The following TSPAN15 variants were observed in gnomAD, a reference collection of about 807,000 sequenced individuals.
TSPAN15 encodes tetraspanin 15.
A neutral mutation model predicts 34.5 loss-of-function variants in TSPAN15; 20 were observed. The ratio of observed to expected loss-of-function variants is 0.58; its 90% CI spans 0.41 to 0.84. TSPAN15 has a LOEUF of 0.84. Among genes scored for constraint, TSPAN15 ranks in the 40% least tolerant of loss-of-function variants. The probability of loss-of-function intolerance (pLI) is 0.00; values close to 1 mark genes in which losing one functional copy is unlikely to be tolerated. For synonymous variants in TSPAN15, 155 were observed against 153.9 expected (o/e 1.01, Z -0.05); for missense variants, 313 against 386.1 (o/e 0.81, Z 1.59).
At chr10:69,510,686 C>T (rs1842405345), downstream of TSPAN15, among the ~76,000 whole-genome samples, 1 of 152,180 alleles carries the variant, frequency 6.6e-6, no homozygotes, top group Non-Finnish European at 1.5e-5. Flanking sequence ...AGCATTTGCC[C>T]ATTCAGTATG....
At chr10:69,496,834 T>G (rs947646560) in intron 4 of TSPAN15, among the ~76,000 whole-genome samples, 4 of 152,216 alleles carry the variant, frequency 2.6e-5, no homozygotes, top group African/African-American at 9.6e-5. Context: ...CCTGCCAGCT[T>G]GGGCTGGGAG....
the TSPAN15 span, among the ~76,000 whole-genome samples, chr10:69,544,213 A>G: frequency 6.6e-6 from 1 of 152,224 alleles, no homozygotes; most frequent in East Asian, 1.9e-4. Flanking sequence ...CACCTAAACT[A>G]TTAATCCCTT....
At chr10:69,517,950 AG>A in the TSPAN15 span, among the ~76,000 whole-genome samples, 24 of 152,230 alleles carry the variant, frequency 1.6e-4, no homozygotes, top group Non-Finnish European at 3.2e-4. Context: ...CGATCACTGT[AG>A]CTCCTGCACC....
intron 3 of TSPAN15, among the ~76,000 whole-genome samples, chr10:69,493,059 G>A (rs1191195903): frequency 6.6e-6 from 1 of 152,134 alleles, no homozygotes; most frequent in Non-Finnish European, 1.5e-5. Flanking sequence ...ACCCTGGGTG[G>A]CAGACTGGCC....
At chr10:69,529,501 T>C in the TSPAN15 span, among the ~76,000 whole-genome samples, 3 of 148,024 alleles carry the variant, frequency 2.0e-5, no homozygotes, top group Non-Finnish European at 4.5e-5. Flanking sequence ...CAGCTCTCTA[T>C]ACTATTAATA....
intron 2 of TSPAN15, among the ~76,000 whole-genome samples, chr10:69,484,572 G>A (rs1316940689): frequency 6.6e-6 from 1 of 152,246 alleles, no homozygotes; most frequent in Non-Finnish European, 1.5e-5. Context: ...CATATGGGAA[G>A]CCCCTACGAT....
chr10:69,473,026 C>G (rs997057240), intron 1 of TSPAN15, among the ~76,000 whole-genome samples: 1 of 152,206 alleles, frequency 6.6e-6, no homozygotes, highest in African/African-American at 2.4e-5. Flanking sequence ...ATTCCCTGTC[C>G]AAAGGGCATA....
intron 3 of TSPAN15, among the ~76,000 whole-genome samples, chr10:69,488,446 C>G (rs1312089389): frequency 6.6e-6 from 1 of 152,170 alleles, no homozygotes; most frequent in Non-Finnish European, 1.5e-5. Context: ...AGTTCAGTCT[C>G]CAGTGCCATG....
chr10:69,465,022 G>A (rs756822328), intron 1 of TSPAN15, among the ~76,000 whole-genome samples: 11 of 152,234 alleles, frequency 7.2e-5, no homozygotes, highest in Non-Finnish European at 1.5e-4. Context: ...TCTGACCTGG[G>A]AGGGACCGGG....
intron 1 of TSPAN15, among the ~76,000 whole-genome samples, chr10:69,464,025 G>A (rs538137986): frequency 1.3e-5 from 2 of 152,076 alleles, no homozygotes; most frequent in East Asian, 1.9e-4. Context: ...AGGAGGCCAC[G>A]GGCACACAGA....
chr10:69,457,124 A>G (rs60677596), intron 1 of TSPAN15, among the ~76,000 whole-genome samples: 13,675 of 152,276 alleles, frequency 0.09, 691 homozygotes, highest in Non-Finnish European at 0.12. Context: ...AGCACTGCCC[A>G]CGGGGTATCT....
At chr10:69,467,528 C>G (rs138180050) in intron 1 of TSPAN15, among the ~76,000 whole-genome samples, 1 of 152,054 alleles carries the variant, frequency 6.6e-6, no homozygotes, top group Non-Finnish European at 1.5e-5. Flanking sequence ...GCAGGAGGAT[C>G]GCTTGAGCCC....
chr10:69,456,276 C>T (rs1480413294), intron 1 of TSPAN15, among the ~76,000 whole-genome samples: 3 of 151,880 alleles, frequency 2.0e-5, no homozygotes, highest in Admixed American at 6.5e-5. Flanking sequence ...TTGGTAGAGA[C>T]GGGGTTCTAC....
chr10:69,526,134 A>AT, the TSPAN15 span, among the ~76,000 whole-genome samples: 10 of 147,498 alleles, frequency 6.8e-5, 1 homozygote, highest in African/African-American at 2.0e-4. Flanking sequence ...AAGAGATATG[A>AT]TATAACCACA....
intron 1 of TSPAN15, among the ~76,000 whole-genome samples, chr10:69,461,291 A>C (rs1900464): frequency 0.4 from 60,523 of 151,940 alleles, 12,544 homozygotes; most frequent in Non-Finnish European, 0.45. Context: ...GGGAAAGGTT[A>C]CTGTTGGGTT....
At chr10:69,482,788 T>G (rs568610334) in intron 1 of TSPAN15, among the ~76,000 whole-genome samples, 24 of 152,294 alleles carry the variant, frequency 1.6e-4, no homozygotes, top group African/African-American at 5.8e-4. Context: ...CTCCAGCCAG[T>G]GGCATTTCCC....
the TSPAN15 span, among the ~76,000 whole-genome samples, chr10:69,518,352 C>T: frequency 6.6e-6 from 1 of 152,188 alleles, no homozygotes; most frequent in South Asian, 2.1e-4. Flanking sequence ...TGCCCTCCCT[C>T]TACCAACACC....
chr10:69,534,815 TC>T, the TSPAN15 span, among the ~76,000 whole-genome samples: 2 of 125,112 alleles, frequency 1.6e-5, no homozygotes. Context: ...AGACCCTGTA[TC>T]TTAAAAAAAA....
At chr10:69,484,576 C>T (rs1220658742) in intron 2 of TSPAN15, among the ~76,000 whole-genome samples, 1 of 152,224 alleles carries the variant, frequency 6.6e-6, no homozygotes. Flanking sequence ...TGGGAAGCCC[C>T]TACGATCCAC....
Sources: gnomAD v4.1 joint callset for allele counts (sites outside exome capture counted in the v4.1 genomes callset) on GRCh38, gnomAD v4.1.1 for gene constraint, MANE v1.5 for transcripts, NCBI Gene and HGNC (gene_info 2026-07-23, HGNC 2026-07-21) for gene names.